Variants in IL6ST observed in about 807,000 individuals in gnomAD.
The protein encoded by IL6ST is interleukin 6 cytokine family signal transducer, also known as interleukin-6 receptor subunit beta.
IL6ST carries 24 observed loss-of-function variants against 91.3 expected under a neutral mutation model. The ratio of observed to expected loss-of-function variants is 0.26; its 90% confidence interval spans 0.19 to 0.37. The LOEUF is 0.37. IL6ST is among the 10% of genes least tolerant of loss of function. The pLI, the probability that IL6ST is intolerant of heterozygous loss-of-function variation, is 1.00. For synonymous variants in IL6ST, 351 were observed against 373.6 expected, an observed-to-expected ratio of 0.94 and a Z score of 0.70; for missense variants, 914 against 1,078.5, an observed-to-expected ratio of 0.85 and a Z score of 2.14.
In IL6ST at chr5:55,941,182, T is replaced by C. The variant is rs1277560806; in HGVS notation, c.2657A>G (p.Glu886Gly). ...CTCCATGCCAACTGTTTCAAATCTT[T>C]CTACTTGTCCCTCAGTACCTGGACC... ...AFGPGTEGQV[E>G]RFETVGMEAA... The change falls in exon 17 of 17, where the codon GAA (glutamate) becomes GGA (glycine). Residue 886 changes from glutamate (E) to glycine (G), a missense_variant. Transcript: ENST00000381298. 1 of 1,614,164 alleles carries C rather than the reference T, an allele frequency of 6.2e-7. No individual in the cohort carries two copies. The highest frequency in any genetic ancestry group is 1.3e-5 in the African/African-American group (1 of 75,058).
At position 55,937,590 on chromosome 5, in the gene IL6ST, C is replaced by T. The variant is rs185280789; in HGVS notation, c.*3492G>A. 1 of 201,398 alleles carries T rather than the reference C, an allele frequency of 5.0e-6. No individual in the cohort carries two copies. The highest frequency in any genetic ancestry group is 1.0e-5 in the Non-Finnish European group (1 of 97,790). The allele number at this position is 201,398 out of a possible 1,614,324, so 12.5% of individuals were successfully genotyped here. A position where few individuals can be genotyped will look rare whatever the true frequency, so the allele number is the denominator to read the frequency against. ...CCTTCTTTGAAATCAATGACAATGT[C>T]CAATTTTAGGCTAATCCTAAAACAC... On this transcript the variant is annotated 3_prime_UTR_variant, in exon 17 of 17. Transcript: ENST00000381298.
In IL6ST at chr5:55,937,163, G is replaced by T; in HGVS notation, c.*3919C>A. On this transcript the variant is annotated 3_prime_UTR_variant, in exon 17 of 17. Coordinates refer to ENST00000381298, the MANE Select transcript of IL6ST (RefSeq NM_002184.4). Reference sequence around the variant, plus strand: ...TCATTCAGACAAAGCCTGTGTTCAAGAAATAAAAAAAACATCTATCACTAT... The same window carrying T: ...TCATTCAGACAAAGCCTGTGTTCAATAAATAAAAAAAACATCTATCACTAT... 1 of 211,020 alleles carries T rather than the reference G, an allele frequency of 4.7e-6. No individual in the cohort carries two copies. The highest frequency in any genetic ancestry group is 7.0e-5 in the East Asian group (1 of 14,226). The allele number at this position is 211,020 out of a possible 1,614,324, so 13.1% of individuals were successfully genotyped here. A position where few individuals can be genotyped will look rare whatever the true frequency, so the allele number is the denominator to read the frequency against.
rs1750453812 is a variant in IL6ST, at chr5:55,935,498, A to C, written c.*5584T>G. On this transcript the variant is annotated 3_prime_UTR_variant, in exon 17 of 17. Coordinates refer to ENST00000381298, the MANE Select transcript of IL6ST (RefSeq NM_002184.4). Reference sequence around the variant, plus strand: ...ACAGAACTTTTCTATGGAGAACCCAAGCAGCCTTTCCATGATCTTACTAAG... The same window carrying C: ...ACAGAACTTTTCTATGGAGAACCCACGCAGCCTTTCCATGATCTTACTAAG... 4.7e-6 allele frequency: 1 copy of C among 213,656 alleles called. No homozygotes were observed. Among genetic ancestry groups the C allele is most frequent in the African/African-American group, 2.3e-5 (1 of 44,176 alleles). The allele number at this position is 213,656 out of a possible 1,614,324, so 13.2% of individuals were successfully genotyped here.
chr5:55,979,390 G>A (rs558484478), intron 2 of IL6ST, among the ~76,000 whole-genome samples: 47 of 152,322 alleles, frequency 3.1e-4, no homozygotes, highest in African/African-American at 9.4e-4. Context: ...TGGGTGCTGA[G>A]CATGTTCTGT....
At chr5:55,952,429 T>A in intron 11 of IL6ST, 78 bp from the exon 12 acceptor site, 1 of 769,202 alleles carries the variant, frequency 1.3e-6, no homozygotes, top group Non-Finnish European at 2.1e-6. Context: ...ATTTTTACAT[T>A]ATAATTTCAT....
chr5:55,977,055 T>C (rs1175469178), intron 2 of IL6ST, among the ~76,000 whole-genome samples: 9 of 151,712 alleles, frequency 5.9e-5, no homozygotes, highest in African/African-American at 1.5e-4. Context: ...CTGGAAACAA[T>C]CCAAATGTCC....
At chr5:55,956,586 T>C (rs1751990111) in intron 9 of IL6ST, among the ~76,000 whole-genome samples, 1 of 152,212 alleles carries the variant, frequency 6.6e-6, no homozygotes, top group Non-Finnish European at 1.5e-5. Context: ...CCAGCATACA[T>C]TTTGATTATC....
At chr5:55,984,879 C>T (rs1376232719) in intron 1 of IL6ST, among the ~76,000 whole-genome samples, 1 of 152,050 alleles carries the variant, frequency 6.6e-6, no homozygotes. Context: ...ATTACAGTAG[C>T]CCCTAGGAAA....
chr5:55,944,722 A>G, intron 15 of IL6ST: 1 of 1,006,570 alleles, frequency 9.9e-7, no homozygotes. Flanking sequence ...GATGAGGCAG[A>G]GGTCCAAGTA....
At chr5:55,980,378 C>T (rs1289140345) in intron 2 of IL6ST, among the ~76,000 whole-genome samples, 2 of 152,074 alleles carry the variant, frequency 1.3e-5, no homozygotes, top group Non-Finnish European at 2.9e-5. Flanking sequence ...GGTGAAACCC[C>T]GTCCATACTA....
chr5:55,981,306 A>T (rs2111891680), intron 2 of IL6ST, among the ~76,000 whole-genome samples: 1 of 152,336 alleles, frequency 6.6e-6, no homozygotes, highest in South Asian at 2.1e-4. Context: ...TATATAAAAT[A>T]TTATATGCAA....
Position 55,994,943 on chromosome 5 carries a change from CTCCGG to C in IL6ST, c.-268_-264del, listed in dbSNP as rs1223907518. ...CGGGCCTTTTGGCTGCTCGCCCCGG[CTCCGG>C]AACACTGTCAGATCCTTCTCCGCAG... On this transcript the variant is annotated 5_prime_UTR_variant, in exon 1 of 17. Coordinates refer to ENST00000381298, the MANE Select transcript of IL6ST (RefSeq NM_002184.4). 4 of 152,174 alleles carry C rather than the reference CTCCGG, an allele frequency of 2.6e-5. No homozygotes were observed. The highest frequency in any genetic ancestry group is 9.7e-5 in the African/African-American group (4 of 41,428). 9.4% of individuals were successfully genotyped at this position (152,174 alleles called of 1,614,324 possible).
At chr5:55,973,818 T>G (rs1282212068) in intron 3 of IL6ST, among the ~76,000 whole-genome samples, 1 of 152,144 alleles carries the variant, frequency 6.6e-6, no homozygotes, top group Non-Finnish European at 1.5e-5. Context: ...ATCAACAACT[T>G]GGGAAAAGAC....
intron 2 of IL6ST, among the ~76,000 whole-genome samples, chr5:55,982,241 G>T (rs953047069): frequency 5.3e-5 from 8 of 151,816 alleles, no homozygotes; most frequent in Admixed American, 2.6e-4. Flanking sequence ...TAAAAAGCAC[G>T]AATATATTTA....
In IL6ST at chr5:55,958,839, C is replaced by CAA. The variant is rs58625180; in HGVS notation, c.974-1550_974-1549dup. Among the ~76,000 whole-genome samples, 88 of 88,930 alleles carry CAA rather than the reference C, an allele frequency of 9.9e-4. 1 individual carries two copies. The highest frequency in any genetic ancestry group is 6.7e-3 in the South Asian group (18 of 2,696). 58.3% of individuals were successfully genotyped at this position (88,930 alleles called of 152,430 possible). On this transcript the variant is annotated intron_variant, in intron 8 of 16. Coordinates refer to ENST00000381298, the MANE Select transcript of IL6ST (RefSeq NM_002184.4). ...GGGCAATAGAGTGAGGCACTATTTCCAAAAAAAAAAAAAAAAAAATTTAAG... is the reference window on the plus strand; with the variant it reads ...GGGCAATAGAGTGAGGCACTATTTCCAAAAAAAAAAAAAAAAAAAAATTTAAG...
Position 55,940,342 on chromosome 5 carries a change from T to C in IL6ST, c.*740A>G, listed in dbSNP as rs1475969457. On this transcript the variant is annotated 3_prime_UTR_variant, in exon 17 of 17. Coordinates refer to ENST00000381298, the MANE Select transcript of IL6ST (RefSeq NM_002184.4). Reference sequence around the variant, plus strand: ...GCTCTTATCATGGCACTCTGTTGAGTTTGTGAAATGCATCTTCAAAGAGGT... The same window carrying C: ...GCTCTTATCATGGCACTCTGTTGAGCTTGTGAAATGCATCTTCAAAGAGGT... 4.8e-6 allele frequency: 1 copy of C among 209,282 alleles called. No homozygotes were observed. 13.0% of individuals were successfully genotyped at this position (209,282 alleles called of 1,614,324 possible).
rs1373998 is a variant in IL6ST, at chr5:55,959,737, G to A, written c.973+665C>T. The A allele has an allele frequency of 0.15, 115,878 of 751,860 alleles. 13,757 individuals are homozygous for A. The highest frequency in any genetic ancestry group is 0.53 in the African/African-American group (28,935 of 54,646). 46.6% of individuals were successfully genotyped at this position (751,860 alleles called of 1,614,324 possible). A position where few individuals can be genotyped will look rare whatever the true frequency, so the allele number is the denominator to read the frequency against. Reference sequence around the variant, plus strand: ...ATTTTTGATAGTGGGGATCTAAGGTGTAGTTTGCTAGACAGTGTGGTTTTA... The same window carrying A: ...ATTTTTGATAGTGGGGATCTAAGGTATAGTTTGCTAGACAGTGTGGTTTTA... On this transcript the variant is annotated intron_variant, in intron 8 of 16. Transcript: ENST00000381298.
Position 55,952,071 on chromosome 5 carries a change from A to G in IL6ST, c.1557T>C (p.Pro519=). 1 of 1,612,578 alleles carries G rather than the reference A, an allele frequency of 6.2e-7. No individual in the cohort carries two copies. Among genetic ancestry groups the G allele is most frequent in the African/African-American group, 1.3e-5 (1 of 74,946 alleles). Residue 519 remains proline (P), a synonymous_variant, in exon 13 of 17, where the codon CCT becomes CCC. Coordinates refer to ENST00000381298, the MANE Select transcript of IL6ST (RefSeq NM_002184.4). ...SIKAYLKQAP[P]SKGPTVRTKK... is the part of the protein sequence containing the mutation. ...TTGTCCGAACAGTAGGTCCTTTGGA[A>G]GGTGCTGTAACAGAGTGAACACATT...
chr5:55,948,302 G>A (rs1433521161), intron 14 of IL6ST, among the ~76,000 whole-genome samples: 1 of 152,084 alleles, frequency 6.6e-6, no homozygotes, highest in African/African-American at 2.4e-5. Context: ...TAACATTGGA[G>A]ATTTTTTAAA....
Sources: allele counts gnomAD v4.1 joint callset (sites outside exome capture counted in the v4.1 genomes callset), GRCh38; gene constraint gnomAD v4.1.1; transcripts MANE v1.5; gene names NCBI Gene and HGNC (gene_info 2026-07-23, HGNC 2026-07-21).